Variants in TMEM131 observed in about 807,000 individuals in gnomAD.
TMEM131 encodes the protein transmembrane protein 131, also known as 2610524E03Rik.
Under a neutral mutation model 211.6 loss-of-function variants are expected in TMEM131, and 66 were observed. The ratio of observed to expected loss-of-function variants is 0.31; its 90% CI spans 0.26 to 0.38. The LOEUF (loss-of-function observed/expected upper bound fraction) is 0.38. Ranked by LOEUF, TMEM131 falls within the 10% of genes least tolerant of loss-of-function variation. The pLI, the probability that TMEM131 is intolerant of heterozygous loss-of-function variation, is 1.00. For missense variants in TMEM131, 2,036 were observed against 2,299.3 expected, an observed-to-expected ratio of 0.89 and a Z score of 2.34; for synonymous variants, 844 against 841.3, an observed-to-expected ratio of 1.00 and a Z score of -0.06.
At chr2:97,827,142 AAC>A (rs944423569) in intron 11 of TMEM131, 1 of 565,106 alleles carries the variant, frequency 1.8e-6, no homozygotes. Flanking sequence ...GCTAAAAGTT[AAC>A]AGTGTTGGGG....
intron 27 of TMEM131, 41 bp from the exon 28 acceptor site, chr2:97,796,445 T>G: frequency 7.9e-7 from 1 of 1,268,852 alleles, no homozygotes; most frequent in Non-Finnish European, 1.1e-6. Context: ...AATCTTGCCA[T>G]CATGTGCTCC....
At chr2:97,889,916 A>G (rs1325665432) in intron 3 of TMEM131, among the ~76,000 whole-genome samples, 1 of 152,224 alleles carries the variant, frequency 6.6e-6, no homozygotes, top group Admixed American at 6.5e-5. Context: ...TGTTAGGTGA[A>G]AATGTGTGTA....
chr2:97,875,198 G>T (rs1246926280), intron 4 of TMEM131, among the ~76,000 whole-genome samples: 1 of 152,130 alleles, frequency 6.6e-6, no homozygotes, highest in African/African-American at 2.4e-5. Context: ...CAATACAGAA[G>T]CACCCAGATT....
At chr2:97,911,587 T>C in intron 2 of TMEM131, 1 of 981,374 alleles carries the variant, frequency 1.0e-6, no homozygotes, top group Non-Finnish European at 1.2e-6. Flanking sequence ...GAAGACAGAA[T>C]CTGACCACTG....
intron 25 of TMEM131, among the ~76,000 whole-genome samples, chr2:97,798,802 C>G (rs886286852): frequency 2.0e-5 from 3 of 152,206 alleles, no homozygotes; most frequent in African/African-American, 7.2e-5. Flanking sequence ...CTGTCAAAGT[C>G]CACTAAGACA....
intron 33 of TMEM131, 49 bp downstream of exon 33, chr2:97,772,248 C>T (rs1416014896): frequency 8.9e-6 from 14 of 1,572,060 alleles, no homozygotes; most frequent in Non-Finnish European, 1.2e-5. Context: ...TGGTTTTCGC[C>T]AGCAACTTCT....
intron 1 of TMEM131, among the ~76,000 whole-genome samples, chr2:97,951,816 T>G (rs896354349): frequency 1.3e-5 from 2 of 151,808 alleles, no homozygotes; most frequent in African/African-American, 2.4e-5. Flanking sequence ...CCTTTTAGAG[T>G]CCTTTAATAC....
chr2:97,793,387 G>A lies in TMEM131; in HGVS notation c.3545+8C>T. The A allele has an allele frequency of 1.2e-6, 2 of 1,608,846 alleles. No homozygotes were observed. The highest frequency in any genetic ancestry group is 1.1e-5 in the South Asian group (1 of 90,432). ...ACTAGGGAATTTATTGCCAGCATGT[G>A]AACATACTTTCCTTCAGATGAAATA... On this transcript the variant is annotated splice_region_variant and intron_variant, in intron 30 of 40. Transcript: ENST00000186436.
chr2:97,802,443 T>C lies in TMEM131; in HGVS notation c.2636A>G (p.Asp879Gly). Reference sequence around the variant, plus strand: ...CAATACTTACCTTGATACTAACTTATCTACAAACACTGAAGGGTTGGAATA... The same window carrying C: ...CAATACTTACCTTGATACTAACTTACCTACAAACACTGAAGGGTTGGAATA... ...ALYSNPSVFV[D>G]KLVSRFNLSK... The change falls in exon 24 of 41, where the codon GAT becomes GGT. Residue 879 changes from aspartate (D) to glycine (G), a missense_variant. Transcript: ENST00000186436. The C allele has an allele frequency of 6.2e-7, 1 of 1,606,690 alleles. No individual in the cohort carries two copies. Among genetic ancestry groups the C allele is most frequent in the Non-Finnish European group, 8.5e-7 (1 of 1,176,838 alleles).
At chr2:97,791,252 G>A (rs1455999984) in intron 31 of TMEM131, among the ~76,000 whole-genome samples, 1 of 152,186 alleles carries the variant, frequency 6.6e-6, no homozygotes, top group East Asian at 1.9e-4. Flanking sequence ...TCCCAGTGGT[G>A]CCCACCTCTT....
At chr2:97,946,138 G>A (rs879590231) in intron 1 of TMEM131, among the ~76,000 whole-genome samples, 1 of 151,674 alleles carries the variant, frequency 6.6e-6, no homozygotes, top group African/African-American at 2.4e-5. Flanking sequence ...ATTTATGATT[G>A]GAAATATGGT....
intron 3 of TMEM131, among the ~76,000 whole-genome samples, chr2:97,898,585 C>T (rs1229397556): frequency 6.6e-6 from 1 of 152,192 alleles, no homozygotes; most frequent in Non-Finnish European, 1.5e-5. Context: ...CTGCCACCTA[C>T]AAGCTAGGAA....
intron 1 of TMEM131, among the ~76,000 whole-genome samples, chr2:97,961,127 A>C (rs1470920611): frequency 6.6e-6 from 1 of 151,258 alleles, no homozygotes; most frequent in Non-Finnish European, 1.5e-5. Context: ...GGAAGCTGTA[A>C]ACACTATCTA....
Position 97,759,670 on chromosome 2 carries a change from A to T in TMEM131, c.5188T>A (p.Ser1730Thr), listed in dbSNP as rs1678714739. 6.2e-7 allele frequency: 1 copy of T among 1,613,442 alleles called. No homozygotes were observed. Among genetic ancestry groups the T allele is most frequent in the Middle Eastern group, 1.6e-4 (1 of 6,062 alleles). The change falls in exon 39 of 41, where the codon TCT becomes ACT. Residue 1730 changes from serine to threonine, a missense_variant. By Grantham distance (58) the Ser-to-Thr change is moderately conservative (BLOSUM62 1). Coordinates refer to ENST00000186436, the MANE Select transcript of TMEM131 (RefSeq NM_015348.2). ...CACTCACCACCAGTTAGATTAAAAG[A>T]GTTTCCAAAGGCGGAGAACGAATTG... is the stretch of plus-strand genomic sequence containing the variant. ...PLNSFSAFGN[S>T]FNLTGEVFSK...
intron 4 of TMEM131, among the ~76,000 whole-genome samples, chr2:97,861,686 C>T (rs1415774062): frequency 6.6e-6 from 1 of 151,812 alleles, no homozygotes; most frequent in African/African-American, 2.4e-5. Context: ...GGGTTGAAGG[C>T]CAGCTCAGCT....
chr2:97,836,381 T>G (rs1682939886), intron 8 of TMEM131, among the ~76,000 whole-genome samples: 1 of 152,162 alleles, frequency 6.6e-6, no homozygotes, highest in East Asian at 1.9e-4. Flanking sequence ...GTTCCTCCAT[T>G]ACAGATGAGC....
At chr2:97,775,790 G>A in intron 32 of TMEM131, 53 bp downstream of exon 32, 2 of 1,559,720 alleles carry the variant, frequency 1.3e-6, no homozygotes, top group South Asian at 2.4e-5. Flanking sequence ...CTTGTGAGCT[G>A]CAGGAGACCT....
At chr2:97,968,534 C>T (rs1372455022) in intron 1 of TMEM131, among the ~76,000 whole-genome samples, 1 of 152,226 alleles carries the variant, frequency 6.6e-6, no homozygotes, top group South Asian at 2.1e-4. Context: ...GCAGTAGGGT[C>T]TCGGAAAATG....
At chr2:97,761,906 A>G in intron 36 of TMEM131, 129 bp downstream of exon 36, 1 of 1,111,258 alleles carries the variant, frequency 9.0e-7, no homozygotes, top group Non-Finnish European at 1.2e-6. Context: ...GGGTCCACAC[A>G]AGCTGGCAGC....
Sources: gnomAD v4.1 joint callset for allele counts (sites outside exome capture counted in the v4.1 genomes callset) on GRCh38, gnomAD v4.1.1 for gene constraint, MANE v1.5 for transcripts, NCBI Gene and HGNC (gene_info 2026-07-23, HGNC 2026-07-21) for gene names.